RAB38: variants seen among roughly 807,000 people sequenced by gnomAD.
The protein encoded by RAB38 is RAB38, member RAS oncogene family.
Under a neutral mutation model 18.4 loss-of-function variants are expected in RAB38, and 15 were observed. The ratio of observed to expected loss-of-function variants is 0.82; its 90% confidence interval spans 0.55 to 1.26. The LOEUF is 1.26. RAB38 is among the 50% of genes most tolerant of loss of function. The pLI, the probability that RAB38 is intolerant of heterozygous loss-of-function variation, is 0.00. For missense variants in RAB38, 294 were observed against 267.4 expected (o/e 1.10, Z -0.69); for synonymous variants, 101 against 104.4 (o/e 0.97, Z 0.20).
chr11:87,923,895 G>A, the RAB38 span, among the ~76,000 whole-genome samples: 1 of 151,036 alleles, frequency 6.6e-6, no homozygotes, highest in Admixed American at 6.6e-5. Context: ...AATACTAGTT[G>A]ATGGCTTTCC....
the RAB38 span, among the ~76,000 whole-genome samples, chr11:88,028,920 A>T: frequency 1.1e-4 from 17 of 152,200 alleles, no homozygotes; most frequent in Non-Finnish European, 1.3e-4. Flanking sequence ...TCCAAGATAC[A>T]TAATTGTCAG....
At chr11:88,111,862 G>A (rs769528339), downstream of RAB38, among the ~76,000 whole-genome samples, 5 of 152,102 alleles carry the variant, frequency 3.3e-5, no homozygotes, top group African/African-American at 4.8e-5. Context: ...CAGATTCTCC[G>A]GCCTTTCAAA....
the RAB38 span, among the ~76,000 whole-genome samples, chr11:87,976,759 T>C: frequency 8.5e-6 from 1 of 117,712 alleles, no homozygotes; most frequent in African/African-American, 3.4e-5. Flanking sequence ...TTTATATATA[T>C]TTCACATAAT....
At chr11:87,879,558 T>C in the RAB38 span, 1 of 151,768 alleles carries the variant, frequency 6.6e-6, no homozygotes, top group Non-Finnish European at 1.5e-5. Context: ...CTGTCACCTC[T>C]GGTTTTTCTT....
chr11:88,118,466 A>G (rs1016933926), intron 2 of RAB38, among the ~76,000 whole-genome samples: 5 of 152,344 alleles, frequency 3.3e-5, no homozygotes, highest in Middle Eastern at 3.4e-3. Context: ...TGATTGAGCT[A>G]GTTGGCATCC....
chr11:88,162,314 A>T lies in RAB38; in HGVS notation c.203-12359T>A, dbSNP rs116972810. On this transcript the variant is annotated intron_variant, in intron 1 of 2. Transcript: ENST00000243662. Reference sequence around the variant, plus strand: ...GTATATCCTAGAACTTACCTGGTACAATCTTCCCCTACAAAATAACAAGCC... The same window carrying T: ...GTATATCCTAGAACTTACCTGGTACTATCTTCCCCTACAAAATAACAAGCC... 4.0e-3 allele frequency among the ~76,000 whole-genome samples: 603 copies of T among 152,254 alleles called. 2 individuals are homozygous for T. Among genetic ancestry groups the T allele is most frequent in the Non-Finnish European group, 6.4e-3 (437 of 67,996 alleles).
the RAB38 span, among the ~76,000 whole-genome samples, chr11:87,968,396 G>A: frequency 2.1e-3 from 317 of 152,194 alleles, 9 homozygotes; most frequent in East Asian, 0.045. Flanking sequence ...CTTCCCTTGC[G>A]TCTAGGTGTT....
chr11:87,897,492 T>C, the RAB38 span, among the ~76,000 whole-genome samples: 1 of 151,630 alleles, frequency 6.6e-6, no homozygotes, highest in Admixed American at 6.6e-5. Flanking sequence ...TTGAACAGTG[T>C]TAAGAGGGGT....
chr11:87,838,454 T>A, the RAB38 span, among the ~76,000 whole-genome samples: 1 of 152,312 alleles, frequency 6.6e-6, no homozygotes, highest in East Asian at 1.9e-4. Flanking sequence ...CCTCAGGAAT[T>A]AGCAGCTACT....
At chr11:87,845,799 C>A in the RAB38 span, among the ~76,000 whole-genome samples, 2 of 152,052 alleles carry the variant, frequency 1.3e-5, no homozygotes, top group South Asian at 4.2e-4. Context: ...GAGAAAATGA[C>A]ATATTACTTA....
chr11:88,082,763 G>T, the RAB38 span, among the ~76,000 whole-genome samples: 1 of 151,794 alleles, frequency 6.6e-6, no homozygotes, highest in Admixed American at 6.6e-5. Flanking sequence ...CCTAATTTTT[G>T]CAATTGCTCT....
the RAB38 span, among the ~76,000 whole-genome samples, chr11:87,834,883 A>G: frequency 6.6e-6 from 1 of 152,148 alleles, no homozygotes. Flanking sequence ...TGCCCAATAA[A>G]TGTTTTGTAT....
the RAB38 span, among the ~76,000 whole-genome samples, chr11:87,837,317 T>C: frequency 6.6e-6 from 1 of 152,334 alleles, no homozygotes; most frequent in Non-Finnish European, 1.5e-5. Flanking sequence ...AGGGTACATC[T>C]GTATTCCTTA....
chr11:88,075,797 C>T, the RAB38 span, among the ~76,000 whole-genome samples: 1 of 151,574 alleles, frequency 6.6e-6, no homozygotes, highest in Non-Finnish European at 1.5e-5. Flanking sequence ...TGGAGGATGG[C>T]TTGAGCGCAG....
At chr11:88,174,441 C>T (rs1411792490) in intron 1 of RAB38, among the ~76,000 whole-genome samples, 2 of 152,034 alleles carry the variant, frequency 1.3e-5, no homozygotes, top group East Asian at 3.9e-4. Flanking sequence ...AGGGCCAAAT[C>T]AAGAAATCAT....
At chr11:87,813,967 G>T in the RAB38 span, among the ~76,000 whole-genome samples, 4 of 152,166 alleles carry the variant, frequency 2.6e-5, no homozygotes, top group African/African-American at 9.7e-5. Flanking sequence ...TTTTGATTCA[G>T]GTGATCTAGA....
At chr11:87,911,953 A>G in the RAB38 span, among the ~76,000 whole-genome samples, 2 of 151,936 alleles carry the variant, frequency 1.3e-5, no homozygotes, top group African/African-American at 2.4e-5. Flanking sequence ...AAATTTTTTT[A>G]TATTTATTGA....
chr11:87,809,597 G>A, the RAB38 span, among the ~76,000 whole-genome samples: 2 of 151,968 alleles, frequency 1.3e-5, no homozygotes, highest in Non-Finnish European at 2.9e-5. Flanking sequence ...TTCAACCTGG[G>A]CAATCTTTCC....
the RAB38 span, among the ~76,000 whole-genome samples, chr11:87,825,141 T>C: frequency 6.6e-6 from 1 of 152,172 alleles, no homozygotes; most frequent in African/African-American, 2.4e-5. Context: ...TCAAGAATCC[T>C]ACATCTAGTC....
Sources: gnomAD v4.1 joint callset for allele counts (sites outside exome capture counted in the v4.1 genomes callset) on GRCh38, gnomAD v4.1.1 for gene constraint, MANE v1.5 for transcripts, NCBI Gene and HGNC (gene_info 2026-07-23, HGNC 2026-07-21) for gene names.